Variants in ATXN1 observed in about 807,000 individuals in gnomAD.
ATXN1 encodes ataxin 1, also known as ataxin-1.
Under a neutral mutation model 56.4 loss-of-function variants are expected in ATXN1, and 8 were observed. The observed-to-expected ratio is 0.14, with a 90% confidence interval of 0.08 to 0.26. ATXN1 has a LOEUF of 0.26. Among genes scored for constraint, ATXN1 ranks in the 10% least tolerant of loss-of-function variants. The probability of loss-of-function intolerance (pLI) is 1.00; values close to 1 mark genes in which losing one functional copy is unlikely to be tolerated. For synonymous variants in ATXN1, 514 were observed against 494.6 expected (o/e 1.04, Z -0.52); for missense variants, 987 against 1,106.5 (o/e 0.89, Z 1.53).
intron 6 of ATXN1, among the ~76,000 whole-genome samples, chr6:16,364,467 C>T (rs1462919230): frequency 6.6e-6 from 1 of 152,124 alleles, no homozygotes; most frequent in Non-Finnish European, 1.5e-5. Flanking sequence ...CCACGCCTGG[C>T]TAATTTTTTG....
intron 2 of ATXN1, among the ~76,000 whole-genome samples, chr6:16,747,928 G>C (rs907668158): frequency 6.6e-6 from 1 of 152,186 alleles, no homozygotes; most frequent in African/African-American, 2.4e-5. Flanking sequence ...CTTAGAGCTT[G>C]CGTTCAGCGC....
intron 4 of ATXN1, among the ~76,000 whole-genome samples, chr6:16,549,887 ACT>A (rs1761884803): frequency 8.5e-6 from 1 of 117,756 alleles, no homozygotes; most frequent in South Asian, 2.9e-4. Flanking sequence ...CAAGAGCGAA[ACT>A]CTGTCTCAAA....
intron 1 of ATXN1, among the ~76,000 whole-genome samples, chr6:16,757,254 C>G (rs987062052): frequency 1.3e-5 from 2 of 152,178 alleles, no homozygotes; most frequent in Admixed American, 6.5e-5. Context: ...CCTCTTAAAA[C>G]GAAATCCGCA....
intron 2 of ATXN1, among the ~76,000 whole-genome samples, chr6:16,674,141 A>G (rs187559638): frequency 8.5e-5 from 13 of 152,188 alleles, no homozygotes; most frequent in East Asian, 3.9e-4. Context: ...AAACAGCTCA[A>G]ACTCAGAATT....
chr6:16,423,277 T>C (rs1759073596), intron 6 of ATXN1, among the ~76,000 whole-genome samples: 1 of 152,190 alleles, frequency 6.6e-6, no homozygotes, highest in South Asian at 2.1e-4. Context: ...CAAGGTCTCA[T>C]GATATAAATG....
chr6:16,482,473 T>C (rs1328761247), intron 6 of ATXN1, among the ~76,000 whole-genome samples: 2 of 152,140 alleles, frequency 1.3e-5, no homozygotes, highest in Non-Finnish European at 2.9e-5. Flanking sequence ...TGCTATTTTA[T>C]GTAGATCAGG....
At chr6:16,730,487 G>GTGTGTATATATATATATATA (rs141836403) in intron 2 of ATXN1, among the ~76,000 whole-genome samples, 5 of 132,062 alleles carry the variant, frequency 3.8e-5, no homozygotes, top group Admixed American at 7.7e-5. Context: ...AAAACAGTAT[G>GTGTGTATATATATATATATA]TATATATATA....
intron 5 of ATXN1, among the ~76,000 whole-genome samples, chr6:16,507,582 A>G (rs1324997144): frequency 6.6e-6 from 1 of 152,250 alleles, no homozygotes; most frequent in East Asian, 1.9e-4. Flanking sequence ...AATATAATAT[A>G]AGGTAATTTT....
At chr6:16,727,373 G>A (rs950363444) in intron 2 of ATXN1, among the ~76,000 whole-genome samples, 12 of 152,062 alleles carry the variant, frequency 7.9e-5, no homozygotes, top group Admixed American at 2.6e-4. Flanking sequence ...TTGAACCACC[G>A]TCTCTGTCAA....
chr6:16,728,988 G>A (rs903529039), intron 2 of ATXN1, among the ~76,000 whole-genome samples: 5 of 152,088 alleles, frequency 3.3e-5, no homozygotes, highest in Admixed American at 3.3e-4. Context: ...AAGCCTAGTC[G>A]AGCTGACTCA....
chr6:16,641,632 A>G (rs983851738), intron 3 of ATXN1, among the ~76,000 whole-genome samples: 1 of 152,250 alleles, frequency 6.6e-6, no homozygotes, highest in East Asian at 1.9e-4. Flanking sequence ...TCTGATGGAA[A>G]TATACAAGGA....
chr6:16,697,007 G>C (rs116756625), intron 2 of ATXN1, among the ~76,000 whole-genome samples: 72 of 152,266 alleles, frequency 4.7e-4, no homozygotes, highest in African/African-American at 1.6e-3. Flanking sequence ...GGCGAGGCTT[G>C]CTCACTCTTT....
chr6:16,464,334 C>T (rs1370400482), intron 6 of ATXN1, among the ~76,000 whole-genome samples: 3 of 152,032 alleles, frequency 2.0e-5, no homozygotes, highest in South Asian at 2.1e-4. Context: ...GGTAGCCAAT[C>T]GCAGGGAGGA....
chr6:16,617,854 G>A (rs1490386252), intron 3 of ATXN1, among the ~76,000 whole-genome samples: 1 of 151,510 alleles, frequency 6.6e-6, no homozygotes, highest in Non-Finnish European at 1.5e-5. Context: ...TCCTCTCAGT[G>A]GGGCAAAAGA....
At chr6:16,538,530 C>T (rs979764949) in intron 4 of ATXN1, among the ~76,000 whole-genome samples, 13 of 151,902 alleles carry the variant, frequency 8.6e-5, no homozygotes, top group African/African-American at 3.1e-4. Flanking sequence ...GTGCTGCACC[C>T]ATTAACTTGT....
chr6:16,429,480 C>T (rs564112260), intron 6 of ATXN1, among the ~76,000 whole-genome samples: 3 of 135,678 alleles, frequency 2.2e-5, no homozygotes, highest in Admixed American at 1.7e-4. Flanking sequence ...TGCAGTGGTA[C>T]GATCTCAGCT....
At chr6:16,358,345 A>G (rs751132194) in intron 6 of ATXN1, among the ~76,000 whole-genome samples, 7 of 152,226 alleles carry the variant, frequency 4.6e-5, no homozygotes, top group Non-Finnish European at 7.3e-5. Flanking sequence ...TGAAAAAGAT[A>G]CTTGCACATG....
intron 3 of ATXN1, among the ~76,000 whole-genome samples, chr6:16,639,899 A>C (rs775706130): frequency 6.6e-6 from 1 of 152,168 alleles, no homozygotes; most frequent in African/African-American, 2.4e-5. Context: ...TGATTCACCA[A>C]TTCTCCAACA....
intron 3 of ATXN1, among the ~76,000 whole-genome samples, chr6:16,618,661 G>T (rs1382976106): frequency 6.7e-6 from 1 of 149,912 alleles, no homozygotes; most frequent in Non-Finnish European, 1.5e-5. Context: ...GGCGGAGGTT[G>T]CAGTGAGCCA....
Sources: allele counts gnomAD v4.1 joint callset (sites outside exome capture counted in the v4.1 genomes callset), GRCh38; gene constraint gnomAD v4.1.1; transcripts MANE v1.5; gene names NCBI Gene and HGNC (gene_info 2026-07-23, HGNC 2026-07-21).